The following PLXDC2 variants were observed in gnomAD, a reference collection of about 807,000 sequenced individuals.
The protein encoded by PLXDC2 is plexin domain containing 2.
A neutral mutation model predicts 68.9 loss-of-function variants in PLXDC2; 40 were observed. The observed-to-expected ratio is 0.58, with a 90% CI of 0.45 to 0.76. The LOEUF (loss-of-function observed/expected upper bound fraction) is 0.76. Among genes scored for constraint, PLXDC2 ranks in the 30% least tolerant of loss-of-function variants. The pLI is 0.00. For missense variants in PLXDC2, 644 were observed against 661.9 expected (o/e 0.97, Z 0.30); for synonymous variants, 243 against 234.2 (o/e 1.04, Z -0.34).
chr10:20,259,657 A>G (rs1438212864), intron 13 of PLXDC2, among the ~76,000 whole-genome samples: 1 of 152,260 alleles, frequency 6.6e-6, no homozygotes, highest in East Asian at 1.9e-4. Flanking sequence ...ACTGGAAACA[A>G]GAAAAACACA....
intron 13 of PLXDC2, among the ~76,000 whole-genome samples, chr10:20,269,932 C>G (rs1312642651): frequency 6.6e-6 from 1 of 152,030 alleles, no homozygotes; most frequent in Non-Finnish European, 1.5e-5. Context: ...GCAGGAGAAT[C>G]TCTTGAACCC....
chr10:19,840,780 T>A (rs1011201376), intron 1 of PLXDC2, among the ~76,000 whole-genome samples: 4 of 152,130 alleles, frequency 2.6e-5, no homozygotes, highest in African/African-American at 9.7e-5. Context: ...ATTACGTGAT[T>A]GAAGAGAATT....
chr10:20,062,558 T>C (rs1836125919), intron 3 of PLXDC2, among the ~76,000 whole-genome samples: 1 of 152,196 alleles, frequency 6.6e-6, no homozygotes, highest in Admixed American at 6.5e-5. Context: ...TGCTAAAGCA[T>C]TGAATAATTT....
intron 1 of PLXDC2, among the ~76,000 whole-genome samples, chr10:19,889,371 A>G (rs1837906217): frequency 6.6e-6 from 1 of 152,088 alleles, no homozygotes; most frequent in African/African-American, 2.4e-5. Flanking sequence ...GGGCCCCTCC[A>G]ACTACACTGG....
chr10:20,090,561 G>T (rs1301714180), intron 4 of PLXDC2, among the ~76,000 whole-genome samples: 1 of 151,944 alleles, frequency 6.6e-6, no homozygotes, highest in African/African-American at 2.4e-5. Flanking sequence ...CCTTCATATT[G>T]TGCCACATAA....
intron 12 of PLXDC2, among the ~76,000 whole-genome samples, chr10:20,237,256 A>G (rs991270742): frequency 2.0e-5 from 3 of 152,214 alleles, no homozygotes; most frequent in Non-Finnish European, 1.5e-5. Context: ...GTATTGTCAC[A>G]GTAATAGCTA....
chr10:20,234,358 A>G lies in PLXDC2; in HGVS notation c.1313-10987A>G, dbSNP rs564638606. On this transcript the variant is annotated intron_variant, in intron 12 of 13. Coordinates refer to ENST00000377252, the MANE Select transcript of PLXDC2 (RefSeq NM_032812.9). The stretch of plus-strand genomic sequence containing the variant: ...CCACATTCAAGACATACAGCTTTAT[A>G]TTTCAGGAGACTTGGTGCTGCGGTA... Among the ~76,000 whole-genome samples the G allele has an allele frequency of 5.3e-5, 8 of 152,304 alleles. No homozygotes were observed. In the South Asian group the frequency reaches 1.7e-3, roughly 32 times the overall value.
intron 13 of PLXDC2, among the ~76,000 whole-genome samples, chr10:20,253,705 A>G (rs1571942): frequency 0.15 from 22,396 of 152,160 alleles, 1,683 homozygotes; most frequent in Non-Finnish European, 0.15. Flanking sequence ...TATCTAGCAC[A>G]AGTAAATTTC....
chr10:20,088,867 G>A (rs1833236254), intron 4 of PLXDC2, among the ~76,000 whole-genome samples: 1 of 152,124 alleles, frequency 6.6e-6, no homozygotes, highest in African/African-American at 2.4e-5. Flanking sequence ...ATTTGCTAAG[G>A]AATGCTCTAT....
intron 9 of PLXDC2, among the ~76,000 whole-genome samples, chr10:20,191,121 G>A (rs1356041830): frequency 1.3e-5 from 2 of 152,000 alleles, no homozygotes; most frequent in African/African-American, 4.8e-5. Context: ...TTAAGCCAAT[G>A]TGATCAAGTT....
At chr10:19,942,636 T>C (rs753049404) in intron 1 of PLXDC2, among the ~76,000 whole-genome samples, 1 of 152,250 alleles carries the variant, frequency 6.6e-6, no homozygotes, top group Middle Eastern at 3.4e-3. Flanking sequence ...TGGTGGCGTG[T>C]GCCTGTAATT....
intron 2 of PLXDC2, among the ~76,000 whole-genome samples, chr10:20,040,936 A>C (rs1282430981): frequency 2.0e-5 from 3 of 152,214 alleles, no homozygotes; most frequent in African/African-American, 7.2e-5. Context: ...TTTCCGATTT[A>C]TCTGTCAGTT....
At chr10:20,084,332 A>G (rs1399066313) in intron 4 of PLXDC2, among the ~76,000 whole-genome samples, 2 of 152,160 alleles carry the variant, frequency 1.3e-5, no homozygotes, top group Non-Finnish European at 2.9e-5. Context: ...AATTCACTTA[A>G]GTCACAATGT....
chr10:19,979,427 G>C (rs1268827130), intron 1 of PLXDC2, among the ~76,000 whole-genome samples: 1 of 150,018 alleles, frequency 6.7e-6, no homozygotes, highest in African/African-American at 2.5e-5. Context: ...GGCCCAAGCT[G>C]GAGTGCAGTG....
At chr10:20,100,845 A>G (rs1025299492) in intron 4 of PLXDC2, among the ~76,000 whole-genome samples, 1 of 152,076 alleles carries the variant, frequency 6.6e-6, no homozygotes, top group African/African-American at 2.4e-5. Flanking sequence ...AAAATTGCAT[A>G]CTATGTATTA....
rs71388889 is a variant in PLXDC2 at position 20,020,178 on chromosome 10, ATTTTTTT to A, written c.324+18208_324+18214del. Among the ~76,000 whole-genome samples, 927 of 107,334 alleles carry A rather than the reference ATTTTTTT, an allele frequency of 8.6e-3. 6 individuals are homozygous for A. The highest frequency in any genetic ancestry group is 0.011 in the African/African-American group (255 of 24,188). 70.4% of individuals were successfully genotyped at this position (107,334 alleles called of 152,430 possible). A position where few individuals can be genotyped will look rare whatever the true frequency, so the allele number is the denominator to read the frequency against. The stretch of plus-strand genomic sequence containing the variant: ...AAACACATGCCACCACACCCAGCAA[ATTTTTTT>A]TTTTTTTTTTTTTTTGTAGAGAGGT... On this transcript the variant is annotated intron_variant, in intron 2 of 13. Transcript: ENST00000377252.
chr10:19,972,576 C>T (rs1381162185), intron 1 of PLXDC2, among the ~76,000 whole-genome samples: 1 of 151,970 alleles, frequency 6.6e-6, no homozygotes, highest in Non-Finnish European at 1.5e-5. Context: ...AACGTGCACA[C>T]ACATCTCCCA....
intron 1 of PLXDC2, among the ~76,000 whole-genome samples, chr10:19,942,965 A>G (rs1054927573): frequency 1.2e-4 from 19 of 152,204 alleles, no homozygotes; most frequent in African/African-American, 4.6e-4. Flanking sequence ...ATTATGAATA[A>G]TTATGCCTCC....
At chr10:20,143,563 C>T in intron 5 of PLXDC2, 146 bp downstream of exon 5, 1 of 969,618 alleles carries the variant, frequency 1.0e-6, no homozygotes, top group South Asian at 1.6e-5. Context: ...TATTATACTG[C>T]TAAGATTTAT....
Sources: allele counts gnomAD v4.1 joint callset (sites outside exome capture counted in the v4.1 genomes callset), GRCh38; gene constraint gnomAD v4.1.1; transcripts MANE v1.5; gene names NCBI Gene and HGNC (gene_info 2026-07-23, HGNC 2026-07-21).